The following CCSER1 variants were observed in gnomAD, a reference collection of about 807,000 sequenced individuals.
The protein encoded by CCSER1 is coiled-coil serine rich protein 1, also known as serine-rich coiled-coil domain-containing protein 1.
A neutral mutation model predicts 82.0 loss-of-function variants in CCSER1; 41 were observed. The observed-to-expected ratio is 0.50, with a 90% CI of 0.39 to 0.65. CCSER1 has a LOEUF of 0.65. CCSER1 is among the 30% of genes least tolerant of loss of function. The pLI, the probability that CCSER1 is intolerant of heterozygous loss-of-function variation, is 0.00. For synonymous variants in CCSER1, 414 were observed against 383.9 expected, an observed-to-expected ratio of 1.08 and a Z score of -0.92; for missense variants, 1,119 against 1,064.2, an observed-to-expected ratio of 1.05 and a Z score of -0.72.
intron 8 of CCSER1, among the ~76,000 whole-genome samples, chr4:90,884,552 G>A (rs912103403): frequency 2.6e-5 from 4 of 152,042 alleles, no homozygotes; most frequent in African/African-American, 9.7e-5. Flanking sequence ...GCTCTATACA[G>A]AAGACTTGAA....
intron 1 of CCSER1, among the ~76,000 whole-genome samples, chr4:90,216,610 G>T (rs13135325): frequency 0.61 from 93,350 of 152,020 alleles, 30,053 homozygotes; most frequent in East Asian, 0.83. Context: ...GGGTTCTCTA[G>T]TCTGTTTCAT....
At chr4:91,467,675 T>A (rs1330109685) in intron 10 of CCSER1, among the ~76,000 whole-genome samples, 1 of 151,816 alleles carries the variant, frequency 6.6e-6, no homozygotes, top group Non-Finnish European at 1.5e-5. Context: ...AACAACCCCA[T>A]CAAAAAGTGG....
intron 5 of CCSER1, among the ~76,000 whole-genome samples, chr4:90,585,861 G>A (rs962542238): frequency 2.0e-5 from 3 of 151,846 alleles, no homozygotes; most frequent in Non-Finnish European, 4.4e-5. Flanking sequence ...CTCTATGTAC[G>A]GTCTCTTATG....
chr4:91,535,634 A>C (rs533465620), intron 10 of CCSER1, among the ~76,000 whole-genome samples: 1 of 151,982 alleles, frequency 6.6e-6, no homozygotes, highest in African/African-American at 2.4e-5. Flanking sequence ...CAGTTTTAAA[A>C]TCAGTAAATA....
chr4:91,387,835 C>A (rs1233769103), intron 10 of CCSER1, among the ~76,000 whole-genome samples: 2 of 151,986 alleles, frequency 1.3e-5, no homozygotes, highest in Non-Finnish European at 2.9e-5. Flanking sequence ...CTTGAAGGAG[C>A]ATTTAAATTA....
At chr4:91,029,118 T>C (rs1337978547) in intron 9 of CCSER1, among the ~76,000 whole-genome samples, 1 of 152,036 alleles carries the variant, frequency 6.6e-6, no homozygotes, top group Non-Finnish European at 1.5e-5. Context: ...ATCCTCTTCA[T>C]AGAAATCAAA....
At chr4:90,380,473 C>T (rs1181615816) in intron 3 of CCSER1, among the ~76,000 whole-genome samples, 1 of 152,072 alleles carries the variant, frequency 6.6e-6, no homozygotes, top group Admixed American at 6.6e-5. Flanking sequence ...CTTTTCCATT[C>T]ACTTTTGATT....
At chr4:90,988,052 C>T (rs540792789) in intron 9 of CCSER1, among the ~76,000 whole-genome samples, 86 of 151,730 alleles carry the variant, frequency 5.7e-4, no homozygotes, top group African/African-American at 2.0e-3. Context: ...CATGGTGGCT[C>T]ATGCCTGTAA....
At chr4:90,384,115 T>A (rs186139542) in intron 3 of CCSER1, among the ~76,000 whole-genome samples, 21 of 151,902 alleles carry the variant, frequency 1.4e-4, no homozygotes, top group African/African-American at 4.8e-4. Context: ...TTTGTTTTTT[T>A]GGTGCAATCA....
chr4:91,294,223 A>G, intron 10 of CCSER1, among the ~76,000 whole-genome samples: 1 of 152,124 alleles, frequency 6.6e-6, no homozygotes, highest in Admixed American at 6.6e-5. Flanking sequence ...AATCATCAGC[A>G]ATATAGAAAT....
intron 10 of CCSER1, among the ~76,000 whole-genome samples, chr4:91,354,916 C>T (rs916243048): frequency 6.6e-6 from 1 of 152,298 alleles, no homozygotes; most frequent in East Asian, 1.9e-4. Flanking sequence ...AATACTGGTT[C>T]TGGAGAGCGT....
chr4:90,137,405 G>A (rs568895716), intron 1 of CCSER1, among the ~76,000 whole-genome samples: 4 of 152,228 alleles, frequency 2.6e-5, no homozygotes, highest in South Asian at 4.2e-4. Context: ...GAAGTTTTAC[G>A]TTGATTATCG....
chr4:90,425,652 A>G (rs912017888), intron 4 of CCSER1, among the ~76,000 whole-genome samples: 1 of 152,186 alleles, frequency 6.6e-6, no homozygotes, highest in Non-Finnish European at 1.5e-5. Flanking sequence ...CTTATCATCC[A>G]TTCTCTGTAT....
At chr4:90,386,955 A>G (rs562259640) in intron 3 of CCSER1, among the ~76,000 whole-genome samples, 1 of 152,186 alleles carries the variant, frequency 6.6e-6, no homozygotes, top group South Asian at 2.1e-4. Context: ...ATTTGTTTAT[A>G]TATTTGTTTA....
intron 10 of CCSER1, among the ~76,000 whole-genome samples, chr4:91,242,121 A>C (rs1739421985): frequency 6.6e-6 from 1 of 152,156 alleles, no homozygotes; most frequent in South Asian, 2.1e-4. Context: ...CAGAGGTAAA[A>C]ATTTAACATG....
At chr4:90,820,010 C>T (rs1453765952) in intron 8 of CCSER1, among the ~76,000 whole-genome samples, 1 of 152,174 alleles carries the variant, frequency 6.6e-6, no homozygotes, top group African/African-American at 2.4e-5. Context: ...CAGCATGGAA[C>T]ATCTACTCCC....
At chr4:91,147,078 G>A (rs1477006344) in intron 10 of CCSER1, among the ~76,000 whole-genome samples, 1 of 152,182 alleles carries the variant, frequency 6.6e-6, no homozygotes, top group Non-Finnish European at 1.5e-5. Flanking sequence ...CAGGTAACCA[G>A]GAGACCCATA....
chr4:90,781,306 C>T (rs1753746762), intron 7 of CCSER1: 1 of 984,930 alleles, frequency 1.0e-6, no homozygotes. Flanking sequence ...CTGTGCTGAG[C>T]TCAAAAAATA....
intron 7 of CCSER1, among the ~76,000 whole-genome samples, chr4:90,782,732 A>G (rs1753964685): frequency 7.5e-6 from 1 of 133,290 alleles, no homozygotes; most frequent in Non-Finnish European, 1.5e-5. Flanking sequence ...CCCGGGCTGG[A>G]GTGCAGTGGC....
Sources: gnomAD v4.1 joint callset for allele counts (sites outside exome capture counted in the v4.1 genomes callset) on GRCh38, gnomAD v4.1.1 for gene constraint, MANE v1.5 for transcripts, NCBI Gene and HGNC (gene_info 2026-07-23, HGNC 2026-07-21) for gene names.